PPP1R9A: variants seen among roughly 807,000 people sequenced by gnomAD.
PPP1R9A encodes the protein neurabin-1.
PPP1R9A carries 59 observed loss-of-function variants against 141.9 expected under a neutral mutation model. That is an observed-to-expected ratio of 0.42 (90% confidence interval 0.34 to 0.52). PPP1R9A has a LOEUF of 0.52. PPP1R9A is among the 20% of genes least tolerant of loss of function. The probability of loss-of-function intolerance (pLI) is 0.10; values close to 1 mark genes in which losing one functional copy is unlikely to be tolerated. For synonymous variants in PPP1R9A, 500 were observed against 569.7 expected (o/e 0.88, Z 1.74); for missense variants, 1,444 against 1,611.9 (o/e 0.90, Z 1.78).
intron 3 of PPP1R9A, among the ~76,000 whole-genome samples, chr7:95,114,663 TTTATGGACAGAA>T (rs1476594793): frequency 1.3e-5 from 2 of 152,058 alleles, no homozygotes; most frequent in Non-Finnish European, 1.5e-5. Flanking sequence ...ACTGGACAGA[TTTATGGACAGAA>T]AACAAAAATC....
Position 95,193,150 on chromosome 7 carries a change from G to A in PPP1R9A, c.1755-5199G>A, listed in dbSNP as rs181127457. ...CTTCTGTGTGCTTTCCATCTGGATC[G>A]TACTTATCAGGATGACATTCTATTA... On this transcript the variant is annotated intron_variant, in intron 5 of 19. Transcript: ENST00000433360. 9.2e-5 allele frequency among the ~76,000 whole-genome samples: 14 copies of A among 152,184 alleles called. No homozygotes were observed. In the East Asian group the frequency reaches 2.3e-3, roughly 25 times the overall value.
At chr7:95,273,287 T>C (rs1316458468) in intron 14 of PPP1R9A, among the ~76,000 whole-genome samples, 2 of 152,208 alleles carry the variant, frequency 1.3e-5, no homozygotes, top group Non-Finnish European at 2.9e-5. Flanking sequence ...CTTTCAAAGA[T>C]ATAAATGTTT....
chr7:95,019,022 C>T (rs1805502844), intron 2 of PPP1R9A, among the ~76,000 whole-genome samples: 1 of 152,318 alleles, frequency 6.6e-6, no homozygotes, highest in Middle Eastern at 3.4e-3. Flanking sequence ...AAACAATTAA[C>T]ATTAACTCTT....
At chr7:95,093,389 C>T (rs1232549429) in intron 2 of PPP1R9A, among the ~76,000 whole-genome samples, 1 of 152,136 alleles carries the variant, frequency 6.6e-6, no homozygotes, top group African/African-American at 2.4e-5. Context: ...TACTTGTAAG[C>T]ATTTTAATTC....
chr7:95,074,115 G>A (rs897608659), intron 2 of PPP1R9A, among the ~76,000 whole-genome samples: 4 of 152,142 alleles, frequency 2.6e-5, no homozygotes, highest in Non-Finnish European at 4.4e-5. Context: ...CATGCTTAGC[G>A]TGGTGAACAA....
intron 2 of PPP1R9A, among the ~76,000 whole-genome samples, chr7:95,064,705 T>A (rs1812717791): frequency 6.6e-6 from 1 of 152,208 alleles, no homozygotes. Flanking sequence ...GGGCAACTTT[T>A]CAAATATTGA....
chr7:95,086,202 A>G (rs1277532603), intron 2 of PPP1R9A, among the ~76,000 whole-genome samples: 1 of 152,046 alleles, frequency 6.6e-6, no homozygotes, highest in East Asian at 1.9e-4. Flanking sequence ...TAGTTTTAAA[A>G]TAGACTGTAG....
intron 5 of PPP1R9A, chr7:95,175,065 C>A (rs1832701565): frequency 6.6e-6 from 1 of 152,172 alleles, no homozygotes; most frequent in South Asian, 2.1e-4. Flanking sequence ...AAGATGCAAT[C>A]TGCCATCTTT....
At chr7:94,962,103 T>G (rs1797706816) in intron 2 of PPP1R9A, among the ~76,000 whole-genome samples, 1 of 151,970 alleles carries the variant, frequency 6.6e-6, no homozygotes, top group African/African-American at 2.4e-5. Context: ...ACAGGTTTTT[T>G]TGTTGCAGGT....
chr7:95,035,939 A>G (rs1808369821), intron 2 of PPP1R9A: 1 of 152,188 alleles, frequency 6.6e-6, no homozygotes, highest in South Asian at 2.1e-4. Flanking sequence ...AGAGGCCAAT[A>G]AGATGATAGC....
intron 2 of PPP1R9A, among the ~76,000 whole-genome samples, chr7:95,107,828 T>G (rs1819774224): frequency 6.6e-6 from 1 of 152,156 alleles, no homozygotes; most frequent in Non-Finnish European, 1.5e-5. Flanking sequence ...ATAAATTAAC[T>G]TAGGGTAAAC....
At chr7:95,091,578 A>C (rs1817349996) in intron 2 of PPP1R9A, among the ~76,000 whole-genome samples, 2 of 151,666 alleles carry the variant, frequency 1.3e-5, no homozygotes, top group African/African-American at 4.9e-5. Context: ...TCCTGACCTC[A>C]AGTGATCTGC....
intron 2 of PPP1R9A, among the ~76,000 whole-genome samples, chr7:94,921,807 C>T (rs1792878847): frequency 6.6e-6 from 1 of 151,896 alleles, no homozygotes; most frequent in Non-Finnish European, 1.5e-5. Flanking sequence ...GCATCTATTT[C>T]CTTTTAGAAA....
chr7:95,286,408 G>T, intron 18 of PPP1R9A, 83 bp downstream of exon 18: 2 of 1,557,776 alleles, frequency 1.3e-6, no homozygotes, highest in South Asian at 1.2e-5. Flanking sequence ...ATGTTTTTAG[G>T]GTAGATATTG....
intron 16 of PPP1R9A, among the ~76,000 whole-genome samples, chr7:95,281,040 C>G (rs1000347479): frequency 2.0e-5 from 3 of 152,236 alleles, no homozygotes; most frequent in Middle Eastern, 6.8e-3. Context: ...GTCTGCTAAG[C>G]TGATAGGTCT....
intron 8 of PPP1R9A, among the ~76,000 whole-genome samples, chr7:95,237,276 A>T (rs994582940): frequency 1.3e-5 from 2 of 150,608 alleles, no homozygotes; most frequent in Non-Finnish European, 3.0e-5. Flanking sequence ...GTTCACTGCA[A>T]CCTCTGCCTC....
intron 2 of PPP1R9A, among the ~76,000 whole-genome samples, chr7:94,998,765 G>A (rs1221057354): frequency 6.6e-6 from 1 of 152,028 alleles, no homozygotes; most frequent in Non-Finnish European, 1.5e-5. Flanking sequence ...ACTTCTTGGT[G>A]TTTTTTTGTT....
At chr7:94,983,359 C>G (rs1190899531) in intron 2 of PPP1R9A, among the ~76,000 whole-genome samples, 1 of 152,100 alleles carries the variant, frequency 6.6e-6, no homozygotes, top group Admixed American at 6.5e-5. Context: ...TTTTCCAATT[C>G]TGTGAAGAAA....
intron 2 of PPP1R9A, among the ~76,000 whole-genome samples, chr7:94,943,632 A>G (rs2150966647): frequency 6.6e-6 from 1 of 152,230 alleles, no homozygotes; most frequent in East Asian, 1.9e-4. Context: ...CTCTTAAGTC[A>G]TCTACTGACA....
Sources: gnomAD v4.1 joint callset for allele counts (sites outside exome capture counted in the v4.1 genomes callset) on GRCh38, gnomAD v4.1.1 for gene constraint, MANE v1.5 for transcripts, NCBI Gene and HGNC (gene_info 2026-07-23, HGNC 2026-07-21) for gene names.